The following CGNL1 variants were observed in gnomAD, a reference collection of about 807,000 sequenced individuals.
CGNL1 encodes cingulin-like protein 1.
A neutral mutation model predicts 141.2 loss-of-function variants in CGNL1; 132 were observed. The ratio of observed to expected loss-of-function variants is 0.93; its 90% confidence interval spans 0.81 to 1.08. The LOEUF (loss-of-function observed/expected upper bound fraction) is 1.08. Among genes scored for constraint, CGNL1 ranks in the 50% least tolerant of loss-of-function variants. The pLI is 0.00. For synonymous variants in CGNL1, 690 were observed against 622.1 expected, an observed-to-expected ratio of 1.11 and a Z score of -1.63; for missense variants, 1,870 against 1,588.6, an observed-to-expected ratio of 1.18 and a Z score of -3.01.
intron 8 of CGNL1, among the ~76,000 whole-genome samples, chr15:57,498,962 T>A (rs2063982542): frequency 2.6e-5 from 4 of 152,090 alleles, no homozygotes; most frequent in Non-Finnish European, 5.9e-5. Flanking sequence ...TGTTTTTTAT[T>A]TTTGCGTTTA....
At chr15:57,514,011 T>C (rs996534897) in intron 8 of CGNL1, among the ~76,000 whole-genome samples, 7 of 152,202 alleles carry the variant, frequency 4.6e-5, no homozygotes, top group Non-Finnish European at 1.0e-4. Flanking sequence ...TTATCTTTCT[T>C]TTTTATTATA....
At chr15:57,398,324 T>G (rs2062624974) in intron 1 of CGNL1, 1 of 152,220 alleles carries the variant, frequency 6.6e-6, no homozygotes, top group Non-Finnish European at 1.5e-5. Flanking sequence ...ATTGGGGTTT[T>G]TTTTCCTGCA....
intron 4 of CGNL1, among the ~76,000 whole-genome samples, chr15:57,445,685 C>T (rs1156367961): frequency 6.6e-6 from 1 of 152,114 alleles, no homozygotes; most frequent in African/African-American, 2.4e-5. Context: ...GTACCTCATT[C>T]CAAGTTTATC....
chr15:57,417,721 A>G (rs938327543), intron 1 of CGNL1, among the ~76,000 whole-genome samples: 2 of 151,028 alleles, frequency 1.3e-5, no homozygotes, highest in Non-Finnish European at 2.9e-5. Context: ...TACTGGGGGG[A>G]AAAGGTGAGC....
intron 8 of CGNL1, among the ~76,000 whole-genome samples, chr15:57,516,286 T>C (rs1346488585): frequency 4.6e-5 from 7 of 151,982 alleles, no homozygotes; most frequent in Non-Finnish European, 1.0e-4. Flanking sequence ...CCGAATGCAG[T>C]TCCTCCTAAG....
chr15:57,536,126 G>A (rs1340196347), intron 14 of CGNL1, among the ~76,000 whole-genome samples: 3 of 152,172 alleles, frequency 2.0e-5, no homozygotes, highest in African/African-American at 4.8e-5. Flanking sequence ...CTTACATGGC[G>A]GCAGGCAAAA....
intron 16 of CGNL1, 93 bp from the exon 17 acceptor site, chr15:57,545,499 C>G (rs2032807009): frequency 1.8e-6 from 2 of 1,122,744 alleles, no homozygotes; most frequent in Middle Eastern, 2.2e-4. Context: ...ACCAGGCACC[C>G]CTGGCTGGAG....
chr15:57,499,379 A>G (rs1162876415), intron 8 of CGNL1, among the ~76,000 whole-genome samples: 2 of 150,876 alleles, frequency 1.3e-5, no homozygotes, highest in African/African-American at 4.9e-5. Flanking sequence ...CTGGGATTAC[A>G]TGCTTGTGCC....
chr15:57,407,105 G>A (rs1376948342), intron 1 of CGNL1: 2 of 152,168 alleles, frequency 1.3e-5, no homozygotes, highest in African/African-American at 4.8e-5. Context: ...GTTAGGAGGT[G>A]GGCTTCCTGA....
intron 1 of CGNL1, among the ~76,000 whole-genome samples, chr15:57,422,015 T>A (rs2062920610): frequency 6.6e-6 from 1 of 152,076 alleles, no homozygotes; most frequent in South Asian, 2.1e-4. Context: ...AAATATCTGC[T>A]CATATTTTAC....
chr15:57,493,729 C>T (rs1421810176), intron 8 of CGNL1, among the ~76,000 whole-genome samples: 1 of 152,318 alleles, frequency 6.6e-6, no homozygotes, highest in Admixed American at 6.5e-5. Context: ...TTTTAGAAAC[C>T]TTTGAAGTAC....
intron 8 of CGNL1, among the ~76,000 whole-genome samples, chr15:57,504,523 T>C (rs528870546): frequency 6.6e-6 from 1 of 152,320 alleles, no homozygotes; most frequent in East Asian, 1.9e-4. Context: ...ATAGGCTAGA[T>C]GATGTTGCAG....
At chr15:57,376,845 A>C (rs1256039815) in intron 1 of CGNL1, 1 of 152,174 alleles carries the variant, frequency 6.6e-6, no homozygotes, top group Admixed American at 6.5e-5. Context: ...GGGAGGGAGG[A>C]GGCCCTGCAG....
In CGNL1 at chr15:57,544,609, C is replaced by A; in HGVS notation, c.3500+12C>A. On this transcript the variant is annotated intron_variant, in intron 16 of 18. Transcript: ENST00000281282. Reference sequence around the variant, plus strand: ...GAGAGTGAGGAGAGGTGAGCCGGGCCCACCCACTGCAGTGCGGAGGCCCCA... The same window carrying A: ...GAGAGTGAGGAGAGGTGAGCCGGGCACACCCACTGCAGTGCGGAGGCCCCA... 1 of 1,565,754 alleles carries A rather than the reference C, an allele frequency of 6.4e-7. No homozygotes were observed. Among genetic ancestry groups the A allele is most frequent in the Middle Eastern group, 1.7e-4 (1 of 5,866 alleles).
intron 8 of CGNL1, among the ~76,000 whole-genome samples, chr15:57,474,418 T>G (rs2063625046): frequency 6.6e-6 from 1 of 152,228 alleles, no homozygotes; most frequent in Non-Finnish European, 1.5e-5. Context: ...GGTTTAGTCC[T>G]TGTTATGCTG....
intron 8 of CGNL1, among the ~76,000 whole-genome samples, chr15:57,511,030 T>C (rs2030256166): frequency 6.6e-6 from 1 of 152,196 alleles, no homozygotes; most frequent in East Asian, 1.9e-4. Context: ...TCTGAGTTCC[T>C]GTGACCATTG....
chr15:57,441,636 T>C (rs2063188551), intron 3 of CGNL1, among the ~76,000 whole-genome samples: 1 of 152,196 alleles, frequency 6.6e-6, no homozygotes, highest in Admixed American at 6.5e-5. Context: ...CCCAAAGTGC[T>C]GAGATGACAG....
At chr15:57,396,918 C>G (rs747084806) in intron 1 of CGNL1, 1 of 152,138 alleles carries the variant, frequency 6.6e-6, no homozygotes, top group Non-Finnish European at 1.5e-5. Flanking sequence ...GATTTCTGCC[C>G]TCTAGGAGTT....
intron 1 of CGNL1, among the ~76,000 whole-genome samples, chr15:57,400,931 T>C (rs971748699): frequency 8.2e-5 from 12 of 146,828 alleles, no homozygotes; most frequent in Admixed American, 5.4e-4. Flanking sequence ...GCAATGAAAA[T>C]TGAAGCATTA....
Sources: gnomAD v4.1 joint callset for allele counts (sites outside exome capture counted in the v4.1 genomes callset) on GRCh38, gnomAD v4.1.1 for gene constraint, MANE v1.5 for transcripts, NCBI Gene and HGNC (gene_info 2026-07-23, HGNC 2026-07-21) for gene names.